Variants in METAP1D observed in about 807,000 individuals in gnomAD.
The protein encoded by METAP1D is methionine aminopeptidase 1D, mitochondrial.
In METAP1D, 31 loss-of-function variants were observed where a neutral mutation model predicts 40.5. The ratio of observed to expected loss-of-function variants is 0.77; its 90% confidence interval spans 0.58 to 1.03. METAP1D has a LOEUF of 1.03. Among genes scored for constraint, METAP1D ranks in the 50% least tolerant of loss-of-function variants. The probability of loss-of-function intolerance (pLI) is 0.00; values close to 1 mark genes in which losing one functional copy is unlikely to be tolerated. For synonymous variants in METAP1D, 151 were observed against 146.4 expected (o/e 1.03, Z -0.22); for missense variants, 411 against 420.7 (o/e 0.98, Z 0.20).
chr2:172,040,087 A>AG (rs998109754), intron 1 of METAP1D, among the ~76,000 whole-genome samples: 4 of 151,686 alleles, frequency 2.6e-5, no homozygotes, highest in African/African-American at 9.7e-5. Context: ...CCTCCTGAGT[A>AG]GCTGGGATTA....
At chr2:172,013,174 C>T (rs1226036876) in intron 1 of METAP1D, among the ~76,000 whole-genome samples, 3 of 152,166 alleles carry the variant, frequency 2.0e-5, no homozygotes, top group South Asian at 2.1e-4. Context: ...AGAGCATTTC[C>T]GGGTGGCTTG....
intron 1 of METAP1D, among the ~76,000 whole-genome samples, chr2:172,028,129 TAAAC>T (rs1379030337): frequency 2.0e-5 from 3 of 151,768 alleles, no homozygotes; most frequent in African/African-American, 2.4e-5. Context: ...TTTAGGGAAA[TAAAC>T]AAAGCTAAGA....
intron 1 of METAP1D, among the ~76,000 whole-genome samples, chr2:172,036,124 T>G (rs374618908): frequency 1.3e-4 from 19 of 151,840 alleles, no homozygotes; most frequent in South Asian, 1.3e-3. Context: ...AAGACCATCC[T>G]GGCTAACACG....
At chr2:172,079,176 C>T (rs1043770596) in intron 7 of METAP1D, 39 bp from the exon 8 acceptor site, 4 of 1,608,270 alleles carry the variant, frequency 2.5e-6, no homozygotes, top group Non-Finnish European at 2.6e-6. Context: ...CTGTCCTCCC[C>T]ATTTCCTATT....
intron 1 of METAP1D, among the ~76,000 whole-genome samples, chr2:172,006,999 A>G (rs1187061751): frequency 1.3e-5 from 2 of 151,914 alleles, no homozygotes; most frequent in Non-Finnish European, 2.9e-5. Flanking sequence ...TTCACTCATT[A>G]TGTTCATCTT....
chr2:172,073,668 TTA>T (rs1160439051), intron 6 of METAP1D, among the ~76,000 whole-genome samples: 3 of 152,220 alleles, frequency 2.0e-5, no homozygotes, highest in African/African-American at 7.2e-5. Flanking sequence ...TTCTGATGTG[TTA>T]AAGCAGTGTT....
At chr2:172,006,608 C>A (rs1001259034) in intron 1 of METAP1D, among the ~76,000 whole-genome samples, 19 of 152,204 alleles carry the variant, frequency 1.2e-4, no homozygotes, top group African/African-American at 4.3e-4. Context: ...GTATGCAGAA[C>A]TTCATTTGAA....
chr2:172,049,011 G>A (rs1219944721), intron 1 of METAP1D, among the ~76,000 whole-genome samples: 1 of 152,072 alleles, frequency 6.6e-6, no homozygotes, highest in Admixed American at 6.5e-5. Flanking sequence ...TTAAGGCAGG[G>A]TTTCGCTCTG....
intron 1 of METAP1D, among the ~76,000 whole-genome samples, chr2:172,021,077 CAG>C (rs2105396398): frequency 6.6e-6 from 1 of 151,998 alleles, no homozygotes; most frequent in African/African-American, 2.4e-5. Context: ...GTCTACAAGG[CAG>C]AGTTAATTTT....
intron 1 of METAP1D, among the ~76,000 whole-genome samples, chr2:172,009,477 GTTAA>G (rs1195485349): frequency 3.9e-5 from 6 of 152,048 alleles, no homozygotes; most frequent in Admixed American, 1.3e-4. Context: ...CATTATATGG[GTTAA>G]TTTTTTTTAT....
chr2:172,073,251 C>T (rs1306318552), intron 6 of METAP1D, among the ~76,000 whole-genome samples: 1 of 152,090 alleles, frequency 6.6e-6, no homozygotes, highest in Non-Finnish European at 1.5e-5. Context: ...AAAAGAGCCA[C>T]ACGCCACACC....
At chr2:172,018,664 G>C (rs6761111) in intron 1 of METAP1D, among the ~76,000 whole-genome samples, 29,073 of 151,952 alleles carry the variant, frequency 0.19, 3,015 homozygotes, top group Non-Finnish European at 0.24. Context: ...CCCGGTTAAG[G>C]GTGGGGTACT....
chr2:172,037,672 G>A (rs1246908785), intron 1 of METAP1D, among the ~76,000 whole-genome samples: 1 of 152,162 alleles, frequency 6.6e-6, no homozygotes. Context: ...TAGAGCCAGA[G>A]CTGAAGCTCA....
intron 1 of METAP1D, among the ~76,000 whole-genome samples, chr2:172,051,978 GA>G (rs1434873089): frequency 6.6e-6 from 1 of 152,212 alleles, no homozygotes; most frequent in Non-Finnish European, 1.5e-5. Context: ...ATTTCTGTGG[GA>G]TCTTTGTTAC....
Position 172,045,697 on chromosome 2 carries a change from ATATGTGTGTGTGTGTGTG to A in METAP1D, c.41-15799_41-15782del, listed in dbSNP as rs1689724832. On this transcript the variant is annotated intron_variant, in intron 1 of 9. Coordinates refer to ENST00000315796, the MANE Select transcript of METAP1D (RefSeq NM_199227.3). The stretch of plus-strand genomic sequence containing the variant: ...AAAAAAAAAAAAGGATCATTCATAT[ATATGTGTGTGTGTGTGTG>A]TGTGTGTGTGTGTGTGTATATATAT... Among the ~76,000 whole-genome samples, 18 of 65,918 alleles carry A rather than the reference ATATGTGTGTGTGTGTGTG, an allele frequency of 2.7e-4. 1 individual carries two copies. In the East Asian group the frequency reaches 5.7e-3, roughly 21 times the overall value. 43.2% of individuals were successfully genotyped at this position (65,918 alleles called of 152,430 possible). A position where few individuals can be genotyped will look rare whatever the true frequency, so the allele number is the denominator to read the frequency against.
At chr2:172,034,210 AG>A (rs1689316145) in intron 1 of METAP1D, among the ~76,000 whole-genome samples, 1 of 152,326 alleles carries the variant, frequency 6.6e-6, no homozygotes, top group African/African-American at 2.4e-5. Context: ...GGATGAAACA[AG>A]ATTGGCCATC....
intron 1 of METAP1D, among the ~76,000 whole-genome samples, chr2:172,036,612 G>T (rs905796067): frequency 1.3e-5 from 2 of 151,710 alleles, no homozygotes; most frequent in African/African-American, 4.8e-5. Context: ...TGATCCGCCT[G>T]TCTCGGCCTC....
intron 1 of METAP1D, among the ~76,000 whole-genome samples, chr2:172,055,689 T>G (rs1440935234): frequency 1.3e-5 from 2 of 152,242 alleles, no homozygotes; most frequent in East Asian, 1.9e-4. Context: ...GGCACCTTAT[T>G]ATCCTGTTGC....
At chr2:172,046,363 T>C (rs1355074596) in intron 1 of METAP1D, among the ~76,000 whole-genome samples, 1 of 152,188 alleles carries the variant, frequency 6.6e-6, no homozygotes, top group Non-Finnish European at 1.5e-5. Flanking sequence ...ATTGCTCATC[T>C]ACATAATGAA....
Sources: gnomAD v4.1 joint callset for allele counts (sites outside exome capture counted in the v4.1 genomes callset) on GRCh38, gnomAD v4.1.1 for gene constraint, MANE v1.5 for transcripts, NCBI Gene and HGNC (gene_info 2026-07-23, HGNC 2026-07-21) for gene names.